Variants in LRRC4C observed in about 807,000 individuals in gnomAD.
The protein encoded by LRRC4C is leucine rich repeat containing 4C.
LRRC4C carries 5 observed loss-of-function variants against 33.6 expected under a neutral mutation model. The observed-to-expected ratio is 0.15, with a 90% CI of 0.08 to 0.31. LRRC4C has a LOEUF of 0.31. LRRC4C is among the 10% of genes least tolerant of loss of function. LRRC4C has a pLI of 1.00. For missense variants in LRRC4C, 560 were observed against 796.7 expected (o/e 0.70, Z 3.58); for synonymous variants, 329 against 302.0 (o/e 1.09, Z -0.93).
At chr11:40,456,059 G>A (rs1412319444) in intron 3 of LRRC4C, among the ~76,000 whole-genome samples, 1 of 152,014 alleles carries the variant, frequency 6.6e-6, no homozygotes, top group East Asian at 1.9e-4. Flanking sequence ...ACTGGCATAT[G>A]ACTTCCTCTC....
intron 5 of LRRC4C, among the ~76,000 whole-genome samples, chr11:40,196,016 G>A (rs1419151434): frequency 2.0e-5 from 3 of 152,140 alleles, no homozygotes; most frequent in Non-Finnish European, 4.4e-5. Context: ...TGAACCATAG[G>A]AATCGTAAAG....
At chr11:40,534,786 C>A (rs145635456) in intron 3 of LRRC4C, among the ~76,000 whole-genome samples, 70 of 152,180 alleles carry the variant, frequency 4.6e-4, no homozygotes, top group African/African-American at 1.6e-3. Context: ...GGCAAATTGT[C>A]CATTACTATT....
At chr11:40,947,823 G>T (rs1386053922) in intron 1 of LRRC4C, among the ~76,000 whole-genome samples, 1 of 152,008 alleles carries the variant, frequency 6.6e-6, no homozygotes, top group African/African-American at 2.4e-5. Context: ...TGTGTCCCCT[G>T]TCCTCAGACT....
intron 4 of LRRC4C, among the ~76,000 whole-genome samples, chr11:40,299,029 T>C (rs571555683): frequency 3.3e-5 from 5 of 152,178 alleles, no homozygotes; most frequent in Non-Finnish European, 7.3e-5. Context: ...AGGAGGTTAC[T>C]GCAAAGTTGT....
At chr11:40,755,395 A>G (rs957483499) in intron 2 of LRRC4C, among the ~76,000 whole-genome samples, 3 of 152,116 alleles carry the variant, frequency 2.0e-5, no homozygotes, top group African/African-American at 7.2e-5. Flanking sequence ...GCCTCGAACT[A>G]TACAGCTAGC....
At chr11:40,154,303 A>G (rs1191547941) in intron 5 of LRRC4C, among the ~76,000 whole-genome samples, 1 of 133,234 alleles carries the variant, frequency 7.5e-6, no homozygotes, top group South Asian at 2.4e-4. Flanking sequence ...AAAAAAAAAA[A>G]CAAAAAGCAA....
Position 41,226,741 on chromosome 11 carries a change from TACAC to T in LRRC4C, c.-496+232686_-496+232689del, listed in dbSNP as rs59285418. Among the ~76,000 whole-genome samples the T allele has an allele frequency of 8.3e-3, 1,142 of 137,130 alleles. 11 individuals carry two copies. The highest frequency in any genetic ancestry group is 0.016 in the African/African-American group (572 of 36,010). 90.0% of individuals were successfully genotyped at this position (137,130 alleles called of 152,430 possible). A position where few individuals can be genotyped will look rare whatever the true frequency, so the allele number is the denominator to read the frequency against. Reference sequence around the variant, plus strand: ...GTTCACATGCTAAAATCCTTACCATTACACACACACACACACACACACACACACA... The same window carrying T: ...GTTCACATGCTAAAATCCTTACCATTACACACACACACACACACACACACA... On this transcript the variant is annotated intron_variant, in intron 1 of 6. Transcript: ENST00000528697.
chr11:41,087,339 G>A (rs752622154), intron 1 of LRRC4C, among the ~76,000 whole-genome samples: 10 of 152,044 alleles, frequency 6.6e-5, no homozygotes, highest in East Asian at 1.9e-4. Context: ...AAACACAAAT[G>A]TAAATCAATT....
chr11:41,308,942 T>A (rs1776236759), intron 1 of LRRC4C, among the ~76,000 whole-genome samples: 2 of 152,132 alleles, frequency 1.3e-5, no homozygotes, highest in South Asian at 4.1e-4. Flanking sequence ...GTAGCTGGCG[T>A]TACAGGCATG....
intron 5 of LRRC4C, among the ~76,000 whole-genome samples, chr11:40,205,908 A>G (rs542757379): frequency 9.6e-4 from 146 of 152,346 alleles, no homozygotes; most frequent in African/African-American, 3.2e-3. Flanking sequence ...GTATTACTTG[A>G]GCAATCTCTG....
intron 3 of LRRC4C, among the ~76,000 whole-genome samples, chr11:40,577,245 T>G (rs1958230713): frequency 6.6e-6 from 1 of 152,234 alleles, no homozygotes; most frequent in Non-Finnish European, 1.5e-5. Context: ...CTTCTTTACC[T>G]AGTGGAAGAT....
intron 3 of LRRC4C, among the ~76,000 whole-genome samples, chr11:40,638,093 A>G (rs905281042): frequency 2.2e-4 from 33 of 151,988 alleles, no homozygotes; most frequent in African/African-American, 7.0e-4. Flanking sequence ...ATTGCAATGC[A>G]CTCCCATGCA....
intron 3 of LRRC4C, among the ~76,000 whole-genome samples, chr11:40,645,589 A>G (rs1942402079): frequency 6.6e-6 from 1 of 151,954 alleles, no homozygotes; most frequent in Admixed American, 6.6e-5. Context: ...ACATTTTTCT[A>G]CAATTCAGGA....
At chr11:41,065,510 G>C (rs990743295) in intron 1 of LRRC4C, among the ~76,000 whole-genome samples, 1 of 152,196 alleles carries the variant, frequency 6.6e-6, no homozygotes, top group Non-Finnish European at 1.5e-5. Flanking sequence ...GGGCTCTGAA[G>C]AGAGTGGCTG....
intron 1 of LRRC4C, among the ~76,000 whole-genome samples, chr11:41,299,411 C>T (rs1950227297): frequency 6.6e-6 from 1 of 152,058 alleles, no homozygotes; most frequent in African/African-American, 2.4e-5. Context: ...ACAGTTGAAG[C>T]CCACTTTATT....
intron 1 of LRRC4C, among the ~76,000 whole-genome samples, chr11:41,039,879 C>T (rs961803147): frequency 1.3e-5 from 2 of 151,956 alleles, no homozygotes; most frequent in Admixed American, 1.3e-4. Flanking sequence ...CGGTGGCTCA[C>T]GCCTGTAATC....
At chr11:40,365,735 T>G (rs1015203474) in intron 3 of LRRC4C, among the ~76,000 whole-genome samples, 1 of 152,048 alleles carries the variant, frequency 6.6e-6, no homozygotes, top group Non-Finnish European at 1.5e-5. Flanking sequence ...AACCTTGACA[T>G]AGTGAGAACA....
chr11:40,365,109 G>GA (rs200733412), intron 3 of LRRC4C, among the ~76,000 whole-genome samples: 35,582 of 136,508 alleles, frequency 0.26, 4,977 homozygotes, highest in South Asian at 0.32. Flanking sequence ...GATCCACAAA[G>GA]AAAAAAAAAA....
At chr11:40,874,032 T>C (rs552321460) in intron 2 of LRRC4C, among the ~76,000 whole-genome samples, 1 of 152,318 alleles carries the variant, frequency 6.6e-6, no homozygotes, top group East Asian at 1.9e-4. Context: ...AGAGGGCTAA[T>C]ACCAGATAAT....
Sources: gnomAD v4.1 joint callset for allele counts (sites outside exome capture counted in the v4.1 genomes callset) on GRCh38, gnomAD v4.1.1 for gene constraint, MANE v1.5 for transcripts, NCBI Gene and HGNC (gene_info 2026-07-23, HGNC 2026-07-21) for gene names.